The following LYPLAL1 variants were observed in gnomAD, a reference collection of about 807,000 sequenced individuals.
LYPLAL1 encodes the protein lysophospholipase-like protein 1.
In LYPLAL1, 23 loss-of-function variants were observed where a neutral mutation model predicts 19.7. That is an observed-to-expected ratio of 1.17 (90% confidence interval 0.84 to 1.65). The LOEUF (loss-of-function observed/expected upper bound fraction) is 1.65, where lower values mean the gene tolerates loss of function less well. Among genes scored for constraint, LYPLAL1 ranks in the 40% most tolerant of loss-of-function variants. The probability of loss-of-function intolerance (pLI) is 0.00; values close to 1 mark genes in which losing one functional copy is unlikely to be tolerated. For missense variants in LYPLAL1, 355 were observed against 279.4 expected, an observed-to-expected ratio of 1.27 and a Z score of -1.93; for synonymous variants, 119 against 96.3, an observed-to-expected ratio of 1.24 and a Z score of -1.38.
the LYPLAL1 span, among the ~76,000 whole-genome samples, chr1:219,283,991 G>A: frequency 2.0e-5 from 3 of 152,282 alleles, no homozygotes; most frequent in African/African-American, 7.2e-5. Context: ...TAATTCCCAC[G>A]TATGGAGGGA....
the LYPLAL1 span, among the ~76,000 whole-genome samples, chr1:219,258,331 TAAGAAATTATAAGGCAC>T: frequency 2.6e-5 from 4 of 152,164 alleles, no homozygotes; most frequent in African/African-American, 9.6e-5. Flanking sequence ...TTCTTACACC[TAAGAAATTATAAGGCAC>T]AAGAAATTAT....
At chr1:219,407,873 C>T in the LYPLAL1 span, among the ~76,000 whole-genome samples, 5 of 152,092 alleles carry the variant, frequency 3.3e-5, no homozygotes, top group Admixed American at 1.3e-4. Context: ...TTGCAGATGA[C>T]CAACTTCTTG....
intron 3 of LYPLAL1, among the ~76,000 whole-genome samples, chr1:219,203,680 A>G (rs1034581532): frequency 6.6e-6 from 1 of 152,228 alleles, no homozygotes; most frequent in African/African-American, 2.4e-5. Context: ...AAATCCTTCC[A>G]GGAAATAGTT....
At chr1:219,189,649 T>A (rs752347829) in intron 2 of LYPLAL1, among the ~76,000 whole-genome samples, 4 of 151,536 alleles carry the variant, frequency 2.6e-5, no homozygotes, top group Non-Finnish European at 5.9e-5. Flanking sequence ...AGTCCTAGTA[T>A]AGAGGTGGTG....
chr1:219,403,624 A>C, the LYPLAL1 span, among the ~76,000 whole-genome samples: 1 of 152,190 alleles, frequency 6.6e-6, no homozygotes, highest in Non-Finnish European at 1.5e-5. Flanking sequence ...AATAATATAC[A>C]TCATTTGAAT....
the LYPLAL1 span, among the ~76,000 whole-genome samples, chr1:219,436,241 T>C: frequency 6.6e-6 from 1 of 152,350 alleles, no homozygotes; most frequent in East Asian, 1.9e-4. Flanking sequence ...AGTCTGGGGT[T>C]CTAGCCTCCT....
At chr1:219,303,284 A>G in the LYPLAL1 span, among the ~76,000 whole-genome samples, 1 of 152,258 alleles carries the variant, frequency 6.6e-6, no homozygotes, top group Admixed American at 6.5e-5. Context: ...TATAAACTAA[A>G]TAGACAAGTT....
At chr1:219,301,313 C>T in the LYPLAL1 span, among the ~76,000 whole-genome samples, 15 of 152,092 alleles carry the variant, frequency 9.9e-5, no homozygotes, top group Non-Finnish European at 1.6e-4. Flanking sequence ...TACAAAAAGA[C>T]GTAATTATGG....
chr1:219,306,484 G>A, the LYPLAL1 span, among the ~76,000 whole-genome samples: 1 of 152,150 alleles, frequency 6.6e-6, no homozygotes, highest in Non-Finnish European at 1.5e-5. Flanking sequence ...GACCTTAATA[G>A]AACATAAAGT....
At chr1:219,200,365 C>G in intron 3 of LYPLAL1, 1 of 200,306 alleles carries the variant, frequency 5.0e-6, no homozygotes, top group Non-Finnish European at 1.1e-5. Context: ...AGAGGAACAC[C>G]ATGGCCAACC....
chr1:219,200,618 A>T, intron 3 of LYPLAL1: 1 of 189,946 alleles, frequency 5.3e-6, no homozygotes, highest in Non-Finnish European at 1.1e-5. Context: ...TTCAGTGCTC[A>T]CAAGATCTCT....
the LYPLAL1 span, among the ~76,000 whole-genome samples, chr1:219,384,131 A>G: frequency 0.2 from 30,034 of 152,148 alleles, 3,523 homozygotes; most frequent in Admixed American, 0.31. Context: ...AGAAATGCGA[A>G]CATCCATTTT....
the LYPLAL1 span, among the ~76,000 whole-genome samples, chr1:219,279,299 G>A: frequency 6.6e-6 from 1 of 152,156 alleles, no homozygotes; most frequent in Non-Finnish European, 1.5e-5. Context: ...CTCCATGCCA[G>A]TACATTTAGC....
chr1:219,322,948 A>G, the LYPLAL1 span, among the ~76,000 whole-genome samples: 1 of 152,214 alleles, frequency 6.6e-6, no homozygotes, highest in Non-Finnish European at 1.5e-5. Flanking sequence ...ATGTTGAAAT[A>G]GGAAAGTTCT....
the LYPLAL1 span, among the ~76,000 whole-genome samples, chr1:219,306,263 T>C: frequency 6.6e-6 from 1 of 152,160 alleles, no homozygotes; most frequent in Non-Finnish European, 1.5e-5. Context: ...TTGTAAACAA[T>C]AAATTTTATA....
At chr1:219,289,089 T>G in the LYPLAL1 span, among the ~76,000 whole-genome samples, 5 of 150,808 alleles carry the variant, frequency 3.3e-5, no homozygotes, top group Non-Finnish European at 7.4e-5. Context: ...TTTTTTTTGT[T>G]TTTTTTGCCT....
chr1:219,347,948 G>A, the LYPLAL1 span, among the ~76,000 whole-genome samples: 1 of 151,904 alleles, frequency 6.6e-6, no homozygotes, highest in African/African-American at 2.4e-5. Flanking sequence ...GCAGAGAAAT[G>A]CTCTTATTCC....
the LYPLAL1 span, among the ~76,000 whole-genome samples, chr1:219,352,220 A>G: frequency 6.6e-6 from 1 of 152,152 alleles, no homozygotes. Flanking sequence ...CTCTTCACCT[A>G]TAAATTGGGG....
At chr1:219,361,548 C>A in the LYPLAL1 span, among the ~76,000 whole-genome samples, 1 of 151,994 alleles carries the variant, frequency 6.6e-6, no homozygotes, top group Non-Finnish European at 1.5e-5. Context: ...CTTTTTTTCT[C>A]AGGCTCTAAA....
Sources: gnomAD v4.1 joint callset for allele counts (sites outside exome capture counted in the v4.1 genomes callset) on GRCh38, gnomAD v4.1.1 for gene constraint, MANE v1.5 for transcripts, NCBI Gene and HGNC (gene_info 2026-07-23, HGNC 2026-07-21) for gene names.